UBE2D3: variants seen among roughly 807,000 people sequenced by gnomAD.
UBE2D3 encodes the protein ubiquitin-conjugating enzyme E2 D3.
A neutral mutation model predicts 22.8 loss-of-function variants in UBE2D3; 2 were observed. The observed-to-expected ratio is 0.09, with a 90% CI of 0.04 to 0.28. The LOEUF (loss-of-function observed/expected upper bound fraction) is 0.28. UBE2D3 is among the 10% of genes least tolerant of loss of function. The pLI is 1.00. For missense variants in UBE2D3, 27 were observed against 182.5 expected (o/e 0.15, Z 4.91); for synonymous variants, 56 against 60.4 (o/e 0.93, Z 0.34).
chr4:102,811,720 A>C, intron 2 of UBE2D3: 1 of 422,448 alleles, frequency 2.4e-6, no homozygotes, highest in Non-Finnish European at 4.6e-6. Flanking sequence ...TCATATACAA[A>C]AGACCAAGTA....
intron 2 of UBE2D3, among the ~76,000 whole-genome samples, chr4:102,818,748 C>A (rs370888305): frequency 4.0e-5 from 6 of 148,674 alleles, no homozygotes; most frequent in Non-Finnish European, 7.5e-5. Flanking sequence ...TGGGTTTGGT[C>A]ACTATTTTTT....
intron 2 of UBE2D3, among the ~76,000 whole-genome samples, chr4:102,813,769 G>C (rs1422715484): frequency 2.0e-5 from 3 of 152,168 alleles, no homozygotes; most frequent in Non-Finnish European, 1.5e-5. Flanking sequence ...TAAAGAATGT[G>C]AAGAAAGGCT....
At chr4:102,842,198 C>A (rs115141458) in intron 1 of UBE2D3, among the ~76,000 whole-genome samples, 2,015 of 149,718 alleles carry the variant, frequency 0.013, 31 homozygotes, top group Admixed American at 0.021. Flanking sequence ...CATATATGCA[C>A]AACTACCTTG....
At chr4:102,827,762 A>C, upstream of UBE2D3, 1 of 983,024 alleles carries the variant, frequency 1.0e-6, no homozygotes, top group Non-Finnish European at 1.2e-6. Flanking sequence ...CGGAGATTGG[A>C]CCAGGAGGGC....
intron 1 of UBE2D3, among the ~76,000 whole-genome samples, chr4:102,850,285 C>G (rs961420774): frequency 2.0e-5 from 3 of 152,156 alleles, no homozygotes; most frequent in Non-Finnish European, 4.4e-5. Flanking sequence ...AAGAAGGTTT[C>G]TATTTCCTGG....
chr4:102,797,028 A>C lies in UBE2D3; in HGVS notation c.*387T>G, dbSNP rs1343491367. Reference sequence around the variant, plus strand: ...ATAATGCTGTATCCTTTGATGTGACAACTGAGCATCCATCTCCCTCCCCCT... The same window carrying C: ...ATAATGCTGTATCCTTTGATGTGACCACTGAGCATCCATCTCCCTCCCCCT... On this transcript the variant is annotated 3_prime_UTR_variant, in exon 8 of 8. Transcript: ENST00000453744. 4 of 168,162 alleles carry C rather than the reference A, an allele frequency of 2.4e-5. No individual in the cohort carries two copies. The highest frequency in any genetic ancestry group is 5.2e-5 in the Non-Finnish European group (4 of 77,630). The allele number at this position is 168,162 out of a possible 1,614,324, so 10.4% of individuals were successfully genotyped here.
At chr4:102,841,630 C>T (rs940426985) in intron 1 of UBE2D3, among the ~76,000 whole-genome samples, 7 of 152,100 alleles carry the variant, frequency 4.6e-5, no homozygotes, top group Admixed American at 4.6e-4. Flanking sequence ...TGTAATCCCT[C>T]TGAGTTAAGC....
rs752145153 is a variant in UBE2D3 at position 102,797,394 on chromosome 4, T to TAA, written c.*20_*21insTT. 1 of 1,586,844 alleles carries TAA rather than the reference T, an allele frequency of 6.3e-7. No individual in the cohort carries two copies. The highest frequency in any genetic ancestry group is 2.3e-5 in the East Asian group (1 of 44,294). The stretch of plus-strand genomic sequence containing the variant: ...AGTTTATTCCAGCTATAATGCAGGT[T>TAA]ATTCTGACTTTAAGGTAGCATCACA... On this transcript the variant is annotated 3_prime_UTR_variant, in exon 8 of 8. Transcript: ENST00000453744.
chr4:102,861,133 T>C (rs1578301115), intron 1 of UBE2D3, among the ~76,000 whole-genome samples: 1 of 152,014 alleles, frequency 6.6e-6, no homozygotes, highest in African/African-American at 2.4e-5. Flanking sequence ...TGACTCTTAC[T>C]TTCCTTCCTG....
chr4:102,798,876 C>A, intron 7 of UBE2D3: 1 of 1,557,178 alleles, frequency 6.4e-7, no homozygotes, highest in South Asian at 1.1e-5. Flanking sequence ...ATGCAGCACT[C>A]AAGTGCTGGC....
chr4:102,868,770 C>G (rs771569431), exon 1 of UBE2D3: 1 of 1,614,088 alleles, frequency 6.2e-7, no homozygotes, highest in African/African-American at 1.3e-5. Flanking sequence ...TCATCGCACA[C>G]AGTATCCTTT....
chr4:102,820,976 A>G (rs1225567330), intron 2 of UBE2D3, among the ~76,000 whole-genome samples: 1 of 152,192 alleles, frequency 6.6e-6, no homozygotes, highest in Non-Finnish European at 1.5e-5. Flanking sequence ...TCATTAGGAG[A>G]TAAAAATCAG....
chr4:102,815,412 A>G (rs937405116), intron 2 of UBE2D3, among the ~76,000 whole-genome samples: 1 of 152,222 alleles, frequency 6.6e-6, no homozygotes, highest in Non-Finnish European at 1.5e-5. Flanking sequence ...TCTAAACACA[A>G]TACCCAATAA....
chr4:102,857,987 C>T (rs183083125), intron 1 of UBE2D3, among the ~76,000 whole-genome samples: 6 of 152,026 alleles, frequency 3.9e-5, no homozygotes, highest in East Asian at 1.9e-4. Flanking sequence ...CCACCGTGCC[C>T]GGCCTGTATT....
At chr4:102,837,594 G>C (rs1731477945) in intron 1 of UBE2D3, among the ~76,000 whole-genome samples, 1 of 152,198 alleles carries the variant, frequency 6.6e-6, no homozygotes, top group Non-Finnish European at 1.5e-5. Flanking sequence ...AGGCTGAGGT[G>C]GGAGGATCGC....
rs1251819629 is a variant in UBE2D3, at chr4:102,827,506, G to A, written c.-208C>T. On this transcript the variant is annotated 5_prime_UTR_variant, in exon 1 of 8. Coordinates refer to ENST00000453744, the MANE Select transcript of UBE2D3 (RefSeq NM_181891.3). ...GCTGGTGCCTCCCCGGCCCTACGGG[G>A]CTCACGCGCACGACACAGCCACAAG... The A allele has an allele frequency of 5.1e-6, 5 of 986,040 alleles. No individual in the cohort carries two copies. The highest frequency in any genetic ancestry group is 6.0e-6 in the Non-Finnish European group (5 of 830,148). 61.1% of individuals were successfully genotyped at this position (986,040 alleles called of 1,614,324 possible).
chr4:102,819,057 G>A (rs776287084), intron 2 of UBE2D3, among the ~76,000 whole-genome samples: 2 of 152,142 alleles, frequency 1.3e-5, no homozygotes, highest in African/African-American at 2.4e-5. Context: ...CTTGCTGGGC[G>A]TGGTGGCTCA....
intron 2 of UBE2D3, among the ~76,000 whole-genome samples, chr4:102,823,401 A>G (rs1178909843): frequency 6.6e-6 from 1 of 152,186 alleles, no homozygotes; most frequent in Admixed American, 6.5e-5. Flanking sequence ...ACGAAGATCA[A>G]ATGAGAGTTT....
At chr4:102,822,913 G>A (rs1291489643) in intron 2 of UBE2D3, among the ~76,000 whole-genome samples, 1 of 151,886 alleles carries the variant, frequency 6.6e-6, no homozygotes, top group African/African-American at 2.4e-5. Context: ...TCCAGCCTGG[G>A]TAACACAGTG....
Sources: allele counts gnomAD v4.1 joint callset (sites outside exome capture counted in the v4.1 genomes callset), GRCh38; gene constraint gnomAD v4.1.1; transcripts MANE v1.5; gene names NCBI Gene and HGNC (gene_info 2026-07-23, HGNC 2026-07-21).